RASD1: variants seen among roughly 807,000 people sequenced by gnomAD.
RASD1 encodes the protein ras related dexamethasone induced 1, also known as dexamethasone-induced Ras-related protein 1.
In RASD1, 13 loss-of-function variants were observed where a neutral mutation model predicts 16.7. The observed-to-expected ratio is 0.78, with a 90% CI of 0.51 to 1.24. RASD1 has a LOEUF of 1.24. Among genes scored for constraint, RASD1 ranks in the 50% most tolerant of loss-of-function variants. RASD1 has a pLI of 0.00. For missense variants in RASD1, 397 were observed against 407.5 expected (o/e 0.97, Z 0.22); for synonymous variants, 170 against 172.6 (o/e 0.98, Z 0.12).
rs1597856736 is a variant in RASD1, at chr17:17,496,236, C to T, written c.-55G>A. 1 of 1,497,152 alleles carries T rather than the reference C, an allele frequency of 6.7e-7. No homozygotes were observed. The highest frequency in any genetic ancestry group is 2.5e-5 in the East Asian group (1 of 40,204). 92.7% of individuals were successfully genotyped at this position (1,497,152 alleles called of 1,614,324 possible). ...GGGCCGAGAGAAGGGCAGAGAGCGGCTGAGGGTCGCTGGGGTGGCACGCGG... is the reference window on the plus strand; with the variant it reads ...GGGCCGAGAGAAGGGCAGAGAGCGGTTGAGGGTCGCTGGGGTGGCACGCGG... On this transcript the variant is annotated 5_prime_UTR_variant, in exon 1 of 2. Coordinates refer to ENST00000225688, the MANE Select transcript of RASD1 (RefSeq NM_016084.5).
rs1391421394 is a variant in RASD1 at position 17,494,530 on chromosome 17, A to G, written c.*595T>C. 6.5e-6 allele frequency: 1 copy of G among 154,138 alleles called. No individual in the cohort carries two copies. The highest frequency in any genetic ancestry group is 6.5e-5 in the Admixed American group (1 of 15,452). The allele number at this position is 154,138 out of a possible 1,614,324, so 9.5% of individuals were successfully genotyped here. A position where few individuals can be genotyped will look rare whatever the true frequency, so the allele number is the denominator to read the frequency against. On this transcript the variant is annotated 3_prime_UTR_variant, in exon 2 of 2. Coordinates refer to ENST00000225688, the MANE Select transcript of RASD1 (RefSeq NM_016084.5). ...ACACACACAGTATAAACACCTGGGT[A>G]AGGTTTTGTTCGTGTCCATGTTGAC...
rs1192961711 is a variant in RASD1, at chr17:17,495,596, C to T, written c.375G>A (p.Lys125=). The T allele has an allele frequency of 6.2e-7, 1 of 1,613,124 alleles. No individual in the cohort carries two copies. The highest frequency in any genetic ancestry group is 1.7e-5 in the Admixed American group (1 of 60,008). The change falls in exon 2 of 2, where the codon AAG becomes AAA. Residue 125 remains lysine (K), a synonymous_variant. Coordinates refer to ENST00000225688, the MANE Select transcript of RASD1 (RefSeq NM_016084.5). ...CCTTGGTTTTGTTCTTGAGGCAAGACTTGGTGTCGAGGATCTGCTGCCTGA... is the reference window on the plus strand; with the variant it reads ...CCTTGGTTTTGTTCTTGAGGCAAGATTTGGTGTCGAGGATCTGCTGCCTGA... ...QRLRQQILDT[K]SCLKNKTKEN...
Position 17,495,695 on chromosome 17 carries a change from C to T in RASD1, c.287-11G>A, listed in dbSNP as rs1055650814. 1.3e-6 allele frequency: 2 copies of T among 1,592,042 alleles called. No individual in the cohort carries two copies. The highest frequency in any genetic ancestry group is 1.7e-6 in the Non-Finnish European group (2 of 1,168,310). ...GGATGAAAACGTCTCCTAGAGGGGG[C>T]ACAGAGAGCAGAAAAGGAGAAGGTG... On this transcript the variant is annotated splice_polypyrimidine_tract_variant and intron_variant, in intron 1 of 1. Transcript: ENST00000225688.
rs750130124 is a variant in RASD1 at position 17,495,097 on chromosome 17, A to G, written c.*28T>C. On this transcript the variant is annotated 3_prime_UTR_variant, in exon 2 of 2. Transcript: ENST00000225688. ...TTGACTTAACAAAAAGGTCCTCCTT[A>G]GGTTGTGTCGCCAGCGCGGCGGGGC... 6.2e-7 allele frequency: 1 copy of G among 1,608,700 alleles called. No homozygotes were observed. Among genetic ancestry groups the G allele is most frequent in the Non-Finnish European group, 8.5e-7 (1 of 1,178,864 alleles).
Position 17,495,103 on chromosome 17 carries a change from T to C in RASD1, c.*22A>G. 6.2e-7 allele frequency: 1 copy of C among 1,609,562 alleles called. No homozygotes were observed. The highest frequency in any genetic ancestry group is 8.5e-7 in the Non-Finnish European group (1 of 1,179,222). The stretch of plus-strand genomic sequence containing the variant: ...TAACAAAAAGGTCCTCCTTAGGTTG[T>C]GTCGCCAGCGCGGCGGGGCTCCTAG... On this transcript the variant is annotated 3_prime_UTR_variant, in exon 2 of 2. Transcript: ENST00000225688.
rs1905395006 is a variant in RASD1, at chr17:17,495,465, T to TG, written c.505dup (p.Gln169ProfsTer215). 6.2e-7 allele frequency: 1 copy of TG among 1,609,280 alleles called. No individual in the cohort carries two copies. The highest frequency in any genetic ancestry group is 1.1e-5 in the South Asian group (1 of 90,432). ...CGAGATCTCGAAGTAGGCGCAGCGC[T>TG]GGGGGTCGTCGCCCACCAGCTGCTC... is the stretch of plus-strand genomic sequence containing the variant. On this transcript the variant is annotated frameshift_variant, in exon 2 of 2. Coordinates refer to ENST00000225688, the MANE Select transcript of RASD1 (RefSeq NM_016084.5). LOFTEE classifies it high-confidence loss of function.
In RASD1 at chr17:17,496,311, G is replaced by A; in HGVS notation, c.-130C>T. On this transcript the variant is annotated 5_prime_UTR_variant, in exon 1 of 2. Transcript: ENST00000225688. ...CGGGCTGGGCGCGGCTCGGGCTTGGGGCTCCGGCTCCGCTCGGGCTGGGCT... is the reference window on the plus strand; with the variant it reads ...CGGGCTGGGCGCGGCTCGGGCTTGGAGCTCCGGCTCCGCTCGGGCTGGGCT... 1 of 991,486 alleles carries A rather than the reference G, an allele frequency of 1.0e-6. No individual in the cohort carries two copies. Among genetic ancestry groups the A allele is most frequent in the Non-Finnish European group, 1.4e-6 (1 of 706,356 alleles). The allele number at this position is 991,486 out of a possible 1,614,324, so 61.4% of individuals were successfully genotyped here.
At chr17:17,495,805 C>G in intron 1 of RASD1, 91 bp downstream of exon 1, 2 of 1,473,632 alleles carry the variant, frequency 1.4e-6, no homozygotes, top group Non-Finnish European at 1.8e-6. Context: ...GCGCACTACT[C>G]GGCGCGCGGC....
In RASD1 at chr17:17,495,074, G is replaced by A; in HGVS notation, c.*51C>T. 1 of 1,589,646 alleles carries A rather than the reference G, an allele frequency of 6.3e-7. No homozygotes were observed. Among genetic ancestry groups the A allele is most frequent in the African/African-American group, 1.4e-5 (1 of 73,448 alleles). On this transcript the variant is annotated 3_prime_UTR_variant, in exon 2 of 2. Transcript: ENST00000225688. ...TGGGGCGCACCGGGCCGTTGGATTT[G>A]ACTTAACAAAAAGGTCCTCCTTAGG... is the stretch of plus-strand genomic sequence containing the variant.
chr17:17,496,367 C>T lies in RASD1; in HGVS notation c.-186G>A. ...TAGGCTGGGCTCGGCTGGGGTTCTC[C>T]CAGGATCTGGGCACAGGCCGCTTGC... On this transcript the variant is annotated 5_prime_UTR_variant, in exon 1 of 2. Transcript: ENST00000225688. 1.6e-6 allele frequency: 1 copy of T among 626,154 alleles called. No individual in the cohort carries two copies. The highest frequency in any genetic ancestry group is 2.0e-5 in the African/African-American group (1 of 50,738). 38.8% of individuals were successfully genotyped at this position (626,154 alleles called of 1,614,324 possible).
Position 17,495,287 on chromosome 17 carries a change from C to T in RASD1, c.684G>A (p.Leu228=). The change falls in exon 2 of 2, where the codon CTG becomes CTA. Residue 228 remains leucine, a synonymous_variant. Coordinates refer to ENST00000225688, the MANE Select transcript of RASD1 (RefSeq NM_016084.5). ...CGCCGCCGCCGCCGCTGCCGGCCCG[C>T]AGCAGCTTCTTGTTCCGCAGCGCCT... ...HKKALRNKKL[L]RAGSGGGGGD... 6.4e-7 allele frequency: 1 copy of T among 1,559,890 alleles called. No individual in the cohort carries two copies.
At position 17,496,022 on chromosome 17, in the gene RASD1, T is replaced by C; in HGVS notation, c.160A>G (p.Thr54Ala). ...CGGTGGAAGTCCTCGATGGTAGGCG[T>C]GTAGGCGTCCTCGAAGCGGCCGGTG... ...FLTGRFEDAYTPTIEDFHRKF... is the reference protein window; with the variant it reads ...FLTGRFEDAYAPTIEDFHRKF... Residue 54 changes from threonine (T) to alanine (A), a missense_variant, in exon 1 of 2, where the codon ACG (threonine) becomes GCG (alanine). Transcript: ENST00000225688. 6.2e-7 allele frequency: 1 copy of C among 1,614,010 alleles called. No homozygotes were observed. Among genetic ancestry groups the C allele is most frequent in the South Asian group, 1.1e-5 (1 of 91,080 alleles).
intron 1 of RASD1, 41 bp downstream of exon 1, chr17:17,495,855 C>A (rs1597856347): frequency 1.3e-6 from 2 of 1,552,024 alleles, no homozygotes; most frequent in South Asian, 1.2e-5. Context: ...GCCGAGGGTT[C>A]CCCGCCCTTC....
In RASD1 at chr17:17,495,923, C is replaced by T; in HGVS notation, c.259G>A (p.Ala87Thr). 1 of 1,610,020 alleles carries T rather than the reference C, an allele frequency of 6.2e-7. No homozygotes were observed. Among genetic ancestry groups the T allele is most frequent in the South Asian group, 1.1e-5 (1 of 91,078 alleles). The change falls in exon 1 of 2, where the codon GCC (alanine) becomes ACC (threonine). Residue 87 changes from alanine to threonine, a missense_variant. Coordinates refer to ENST00000225688, the MANE Select transcript of RASD1 (RefSeq NM_016084.5). ...GTGAGGATGGAGAGGCGCCGCATGG[C>T]GGGGAACGGGTGGTTGCCGGACGTG... ...LDTSGNHPFP[A>T]MRRLSILTGD...
At position 17,494,814 on chromosome 17, in the gene RASD1, C is replaced by T; in HGVS notation, c.*311G>A. The T allele has an allele frequency of 2.3e-6, 1 of 443,470 alleles. No individual in the cohort carries two copies. Among genetic ancestry groups the T allele is most frequent in the Non-Finnish European group, 4.0e-6 (1 of 250,214 alleles). The allele number at this position is 443,470 out of a possible 1,614,324, so 27.5% of individuals were successfully genotyped here. ...AACTTCACATCCCTCCCCCACCCCGCGCTCACTCTTAGGTCTTTGAGAAGA... is the reference window on the plus strand; with the variant it reads ...AACTTCACATCCCTCCCCCACCCCGTGCTCACTCTTAGGTCTTTGAGAAGA... On this transcript the variant is annotated 3_prime_UTR_variant, in exon 2 of 2. Coordinates refer to ENST00000225688, the MANE Select transcript of RASD1 (RefSeq NM_016084.5).
chr17:17,495,837 G>A, intron 1 of RASD1, 59 bp downstream of exon 1: 1 of 1,506,668 alleles, frequency 6.6e-7, no homozygotes, highest in South Asian at 1.3e-5. Context: ...CGCTCGCGGG[G>A]CGCCCTGGCC....
Position 17,495,676 on chromosome 17 carries a change from A to C in RASD1, c.295T>G (p.Phe99Val), listed in dbSNP as rs1204862372. The change falls in exon 2 of 2, where the codon TTC becomes GTC. Residue 99 changes from phenylalanine to valine, a missense_variant. Physicochemically the swap from Phe to Val is conservative, Grantham distance 50. Transcript: ENST00000225688. ...RRLSILTGDV[F>V]ILVFSLDNRD... ...TTGTCCAGACTGAACACCAGGATGA[A>C]AACGTCTCCTAGAGGGGGCACAGAG... The C allele has an allele frequency of 1.2e-6, 2 of 1,608,702 alleles. No individual in the cohort carries two copies. The highest frequency in any genetic ancestry group is 1.7e-5 in the Admixed American group (1 of 59,740).
At position 17,494,630 on chromosome 17, in the gene RASD1, C is replaced by G. The variant is rs1011085154; in HGVS notation, c.*495G>C. 1 of 177,780 alleles carries G rather than the reference C, an allele frequency of 5.6e-6. No individual in the cohort carries two copies. The highest frequency in any genetic ancestry group is 1.2e-5 in the Non-Finnish European group (1 of 84,926). The allele number at this position is 177,780 out of a possible 1,614,324, so 11.0% of individuals were successfully genotyped here. On this transcript the variant is annotated 3_prime_UTR_variant, in exon 2 of 2. Coordinates refer to ENST00000225688, the MANE Select transcript of RASD1 (RefSeq NM_016084.5). ...GTTTCACTCACATGTAAACAAGTCA[C>G]TTGGCTATGATTTGACCCACGCCCC...
chr17:17,495,284 C>T lies in RASD1; in HGVS notation c.687G>A (p.Arg229=). ...CGCCGCCGCCGCCGCCGCTGCCGGCCCGCAGCAGCTTCTTGTTCCGCAGCG... is the reference window on the plus strand; with the variant it reads ...CGCCGCCGCCGCCGCCGCTGCCGGCTCGCAGCAGCTTCTTGTTCCGCAGCG... ...KKALRNKKLL[R]AGSGGGGGDP... Residue 229 remains arginine, a synonymous_variant, in exon 2 of 2, where the codon CGG becomes CGA. Transcript: ENST00000225688. The T allele has an allele frequency of 6.4e-7, 1 of 1,560,800 alleles. No individual in the cohort carries two copies. Among genetic ancestry groups the T allele is most frequent in the Non-Finnish European group, 8.7e-7 (1 of 1,152,992 alleles).
Sources: allele counts gnomAD v4.1 joint callset, GRCh38; gene constraint gnomAD v4.1.1; transcripts MANE v1.5; gene names NCBI Gene and HGNC (gene_info 2026-07-23, HGNC 2026-07-21).